The following MAP3K4 variants were observed in gnomAD, a reference collection of about 807,000 sequenced individuals.
MAP3K4 encodes the protein mitogen-activated protein kinase kinase kinase 4.
A neutral mutation model predicts 185.6 loss-of-function variants in MAP3K4; 67 were observed. The ratio of observed to expected loss-of-function variants is 0.36; its 90% confidence interval spans 0.30 to 0.44. The LOEUF is 0.44. Ranked by LOEUF, MAP3K4 falls within the 20% of genes least tolerant of loss-of-function variation. MAP3K4 has a pLI of 1.00. For synonymous variants in MAP3K4, 702 were observed against 710.4 expected, an observed-to-expected ratio of 0.99 and a Z score of 0.19; for missense variants, 1,551 against 1,995.1, an observed-to-expected ratio of 0.78 and a Z score of 4.24.
chr6:161,018,181 G>A (rs1368310649), intron 1 of MAP3K4, among the ~76,000 whole-genome samples: 1 of 152,136 alleles, frequency 6.6e-6, no homozygotes, highest in Non-Finnish European at 1.5e-5. Flanking sequence ...GGAGTTTGAG[G>A]AGGCTGAGGC....
chr6:161,058,094 A>G (rs1784322739), intron 3 of MAP3K4, among the ~76,000 whole-genome samples: 1 of 152,256 alleles, frequency 6.6e-6, no homozygotes, highest in Non-Finnish European at 1.5e-5. Context: ...TAACTTGATC[A>G]GGTCACAAAT....
chr6:161,084,994 A>G lies in MAP3K4; in HGVS notation c.2372+377A>G, dbSNP rs1458636226. On this transcript the variant is annotated intron_variant, in intron 7 of 26. Transcript: ENST00000392142. This position sits in a 1 kb window ranked among gnomAD's most constrained non-coding sequence, Gnocchi z 4.6. ...ACCTCGTCTCTACTAAAAATACAAA[A>G]AAAACAGCTGGGCGTGGTGGCACGC... is the stretch of plus-strand genomic sequence containing the variant. Among the ~76,000 whole-genome samples, 1 of 152,126 alleles carries G rather than the reference A, an allele frequency of 6.6e-6. No individual in the cohort carries two copies. Among genetic ancestry groups the G allele is most frequent in the Non-Finnish European group, 1.5e-5 (1 of 68,024 alleles).
rs1313104957 is a variant in MAP3K4, at chr6:161,049,783, T to C, written c.1511T>C (p.Leu504Pro). ...LERLESEDDS[L>P]GWGAPDWSTE... ...AGGCTCGAATCTGAGGATGATTCTC[T>C]TGGCTGGGGAGCACCAGACTGGAGC... is the stretch of plus-strand genomic sequence containing the variant. Residue 504 changes from leucine to proline, a missense_variant, in exon 3 of 27, where the codon CTT becomes CCT. Leu to Pro is a moderately conservative substitution (Grantham distance 98, BLOSUM62 -3). This residue lies in a region of MAP3K4 where 126 missense variants were observed against 112.8 expected (regional missense o/e 1.12). Coordinates refer to ENST00000392142, the MANE Select transcript of MAP3K4 (RefSeq NM_005922.4). The surrounding 1 kb of genome is among the most constrained non-coding windows in gnomAD (Gnocchi z 8.4). 1 of 1,614,126 alleles carries C rather than the reference T, an allele frequency of 6.2e-7. No individual in the cohort carries two copies. The highest frequency in any genetic ancestry group is 1.7e-5 in the Admixed American group (1 of 60,008).
intron 3 of MAP3K4, among the ~76,000 whole-genome samples, chr6:161,055,505 C>T (rs1784188017): frequency 6.6e-6 from 1 of 152,166 alleles, no homozygotes; most frequent in African/African-American, 2.4e-5. Context: ...CTCACTTACC[C>T]AATACATTTG....
At chr6:161,059,552 CTAT>C (rs1321159955) in intron 3 of MAP3K4, among the ~76,000 whole-genome samples, 1 of 152,042 alleles carries the variant, frequency 6.6e-6, no homozygotes, top group Non-Finnish European at 1.5e-5. Flanking sequence ...GGCTGCCTTT[CTAT>C]TATTGATCTG....
At position 161,082,396 on chromosome 6, in the gene MAP3K4, C is replaced by T. The variant is rs2114844655; in HGVS notation, c.2255+1358C>T. On this transcript the variant is annotated intron_variant, in intron 6 of 26. Transcript: ENST00000392142. The surrounding 1 kb of genome is among the most constrained non-coding windows in gnomAD (Gnocchi z 4.2). ...ACTACAAATTCATGTTGTTTAGTGT[C>T]ACTGTACCCTCACTTCCTCTTGTCA... Among the ~76,000 whole-genome samples the T allele has an allele frequency of 6.6e-6, 1 of 150,952 alleles. No homozygotes were observed. Among genetic ancestry groups the T allele is most frequent in the Middle Eastern group, 3.4e-3 (1 of 294 alleles).
At chr6:161,016,293 T>G (rs770619188) in intron 1 of MAP3K4, among the ~76,000 whole-genome samples, 5 of 152,198 alleles carry the variant, frequency 3.3e-5, no homozygotes, top group Non-Finnish European at 7.4e-5. Context: ...TTTCTCCCAT[T>G]TTTGTGGGCT....
Position 161,116,839 on chromosome 6 carries a change from C to T in MAP3K4, c.4807-11C>T, listed in dbSNP as rs1321143500. ...TCTGCAAGAGCTCAGCTCTCTCCTG[C>T]TTCCTCACAGGTTTGCACAGATGAA... On this transcript the variant is annotated splice_polypyrimidine_tract_variant and intron_variant, in intron 26 of 26. Coordinates refer to ENST00000392142, the MANE Select transcript of MAP3K4 (RefSeq NM_005922.4). The surrounding 1 kb of genome is among the most constrained non-coding windows in gnomAD (Gnocchi z 6.2). 4 of 1,613,908 alleles carry T rather than the reference C, an allele frequency of 2.5e-6. No individual in the cohort carries two copies. Among genetic ancestry groups the T allele is most frequent in the Non-Finnish European group, 3.4e-6 (4 of 1,179,914 alleles).
chr6:161,034,160 T>C lies in MAP3K4; in HGVS notation c.153-99T>C, dbSNP rs931694680. The stretch of plus-strand genomic sequence containing the variant: ...GCACAGTGCTGAAGAGATTTTTCTG[T>C]ACAAAAGTTTTACAAAGAATTATTT... On this transcript the variant is annotated intron_variant, in intron 1 of 26. Coordinates refer to ENST00000392142, the MANE Select transcript of MAP3K4 (RefSeq NM_005922.4). This position sits in a 1 kb window ranked among gnomAD's most constrained non-coding sequence, Gnocchi z 4.4. 183 of 968,742 alleles carry C rather than the reference T, an allele frequency of 1.9e-4. No individual in the cohort carries two copies. Among genetic ancestry groups the C allele is most frequent in the Non-Finnish European group, 2.7e-4 (179 of 667,252 alleles). 60.0% of individuals were successfully genotyped at this position (968,742 alleles called of 1,614,324 possible). A position where few individuals can be genotyped will look rare whatever the true frequency, so the allele number is the denominator to read the frequency against.
At chr6:161,021,848 C>G (rs570126110) in intron 1 of MAP3K4, among the ~76,000 whole-genome samples, 5 of 152,026 alleles carry the variant, frequency 3.3e-5, no homozygotes, top group Non-Finnish European at 7.4e-5. Flanking sequence ...TGTAATTTGA[C>G]ACACAATGTG....
rs193147473 is a variant in MAP3K4, at chr6:161,054,391, A to C, written c.1707+4412A>C. Among the ~76,000 whole-genome samples, 1 of 152,110 alleles carries C rather than the reference A, an allele frequency of 6.6e-6. No individual in the cohort carries two copies. Among genetic ancestry groups the C allele is most frequent in the East Asian group, 1.9e-4 (1 of 5,172 alleles). On this transcript the variant is annotated intron_variant, in intron 3 of 26. Transcript: ENST00000392142. The surrounding 1 kb of genome is among the most constrained non-coding windows in gnomAD (Gnocchi z 4.2). ...GCTGGTCTCAAACTCCTGACCTCAC[A>C]TGATCCACCCGCCTTGGCCTCCCAA...
chr6:161,089,395 T>C lies in MAP3K4; in HGVS notation c.2897T>C (p.Ile966Thr), dbSNP rs200493599. ...TIQRKAFQQSIEGLMTLCQEQ... is the reference protein window; with the variant it reads ...TIQRKAFQQSTEGLMTLCQEQ... ...CAGAGAAAAGCTTTCCAGCAGTCCA[T>C]TGAGGGACTTATGACTCTGTGCCAG... The change falls in exon 11 of 27, where the codon ATT becomes ACT. Residue 966 changes from isoleucine to threonine, a missense_variant. This residue lies in a region of MAP3K4 where 261 missense variants were observed against 306.5 expected (regional missense o/e 0.85). Coordinates refer to ENST00000392142, the MANE Select transcript of MAP3K4 (RefSeq NM_005922.4). 16 of 1,614,224 alleles carry C rather than the reference T, an allele frequency of 9.9e-6. No individual in the cohort carries two copies. The highest frequency in any genetic ancestry group is 3.3e-5 in the South Asian group (3 of 91,084).
chr6:161,091,067 T>A lies in MAP3K4; in HGVS notation c.2974-312T>A, dbSNP rs139808137. Among the ~76,000 whole-genome samples the A allele has an allele frequency of 3.4e-3, 523 of 152,280 alleles. 4 individuals are homozygous for A. The highest frequency in any genetic ancestry group is 0.012 in the African/African-American group (498 of 41,538). On this transcript the variant is annotated intron_variant, in intron 11 of 26. Transcript: ENST00000392142. The surrounding 1 kb of genome is among the most constrained non-coding windows in gnomAD (Gnocchi z 5.5). The stretch of plus-strand genomic sequence containing the variant: ...CTCTGTGGAATTGCACCCGTACTTA[T>A]GGTTGAGCAACCGTCCAGGAGGAGA...
At chr6:161,026,473 A>G (rs1417711829) in intron 1 of MAP3K4, among the ~76,000 whole-genome samples, 1 of 152,038 alleles carries the variant, frequency 6.6e-6, no homozygotes, top group Admixed American at 6.6e-5. Flanking sequence ...TTTTCTTCTC[A>G]CTATCCTATA....
intron 15 of MAP3K4, among the ~76,000 whole-genome samples, chr6:161,094,180 G>T (rs966986104): frequency 1.3e-5 from 2 of 152,162 alleles, no homozygotes; most frequent in African/African-American, 4.8e-5. Flanking sequence ...AGAGGGCGTT[G>T]TCTGCCAAGC....
rs1161103674 is a variant in MAP3K4, at chr6:161,008,226, G to T, written c.152+16143G>T. On this transcript the variant is annotated intron_variant, in intron 1 of 26. Transcript: ENST00000392142. The surrounding 1 kb of genome is among the most constrained non-coding windows in gnomAD (Gnocchi z 4.1). Reference sequence around the variant, plus strand: ...GTGTTTTCTGATATTTCTCTTCTAGGAAGCTGTGATCTTAATTTAACCAGT... The same window carrying T: ...GTGTTTTCTGATATTTCTCTTCTAGTAAGCTGTGATCTTAATTTAACCAGT... Among the ~76,000 whole-genome samples, 1 of 152,112 alleles carries T rather than the reference G, an allele frequency of 6.6e-6. No individual in the cohort carries two copies. The highest frequency in any genetic ancestry group is 1.5e-5 in the Non-Finnish European group (1 of 67,992).
Position 161,112,191 on chromosome 6 carries a change from A to C in MAP3K4, c.4519+233A>C, listed in dbSNP as rs1448071612. ...GGAGAGAGGAAAGCCTCTTTTTCTC[A>C]CCAGAACAACTCTTTTGTTGTTTGC... is the stretch of plus-strand genomic sequence containing the variant. On this transcript the variant is annotated intron_variant, in intron 24 of 26. Transcript: ENST00000392142. The surrounding 1 kb of genome is among the most constrained non-coding windows in gnomAD (Gnocchi z 5.1). Among the ~76,000 whole-genome samples, 1 of 140,210 alleles carries C rather than the reference A, an allele frequency of 7.1e-6. No homozygotes were observed. Among genetic ancestry groups the C allele is most frequent in the African/African-American group, 2.5e-5 (1 of 40,002 alleles). The allele number at this position is 140,210 out of a possible 152,430, so 92.0% of individuals were successfully genotyped here.
chr6:161,080,758 G>A lies in MAP3K4; in HGVS notation c.2098-123G>A, dbSNP rs1785412451. On this transcript the variant is annotated intron_variant, in intron 5 of 26. Coordinates refer to ENST00000392142, the MANE Select transcript of MAP3K4 (RefSeq NM_005922.4). The surrounding 1 kb of genome is among the most constrained non-coding windows in gnomAD (Gnocchi z 4.8). ...TGAGAACCTTGCTTCTGTCGGTGCTGCGTGCCTGTGACAGCCCCCGGCCCG... is the reference window on the plus strand; with the variant it reads ...TGAGAACCTTGCTTCTGTCGGTGCTACGTGCCTGTGACAGCCCCCGGCCCG... 3 of 755,488 alleles carry A rather than the reference G, an allele frequency of 4.0e-6. No individual in the cohort carries two copies. Among genetic ancestry groups the A allele is most frequent in the Admixed American group, 2.4e-5 (1 of 41,860 alleles). The allele number at this position is 755,488 out of a possible 1,614,324, so 46.8% of individuals were successfully genotyped here. A position where few individuals can be genotyped will look rare whatever the true frequency, so the allele number is the denominator to read the frequency against.
At chr6:161,085,508 C>T (rs760351906) in intron 7 of MAP3K4, among the ~76,000 whole-genome samples, 1 of 152,100 alleles carries the variant, frequency 6.6e-6, no homozygotes, top group Non-Finnish European at 1.5e-5. Context: ...TCAAACTTGG[C>T]GAAAGCTCAT....
Sources: gnomAD v4.1 joint callset for allele counts (sites outside exome capture counted in the v4.1 genomes callset) on GRCh38, gnomAD v4.1.1 for gene constraint, gnomAD v4.1.1 regional missense constraint, Gnocchi (gnomAD v3.1) non-coding constraint, MANE v1.5 for transcripts, NCBI Gene and HGNC (gene_info 2026-07-23, HGNC 2026-07-21) for gene names.